SMPD3: variants seen among roughly 807,000 people sequenced by gnomAD.
SMPD3 encodes the protein sphingomyelin phosphodiesterase 3, also known as nSMase-2.
A neutral mutation model predicts 55.7 loss-of-function variants in SMPD3; 21 were observed. The ratio of observed to expected loss-of-function variants is 0.38; its 90% confidence interval spans 0.27 to 0.54. The LOEUF is 0.54. Among genes scored for constraint, SMPD3 ranks in the 20% least tolerant of loss-of-function variants. SMPD3 has a pLI of 0.80. For synonymous variants in SMPD3, 457 were observed against 404.3 expected (o/e 1.13, Z -1.56); for missense variants, 842 against 899.6 (o/e 0.94, Z 0.82).
In SMPD3 at chr16:68,404,677, G is replaced by A. The variant is rs1311465162; in HGVS notation, c.-268-18018C>T. 1.3e-5 allele frequency among the ~76,000 whole-genome samples: 2 copies of A among 152,220 alleles called. No individual in the cohort carries two copies. Among genetic ancestry groups the A allele is most frequent in the Non-Finnish European group, 2.9e-5 (2 of 68,036 alleles). On this transcript the variant is annotated intron_variant, in intron 1 of 8. Coordinates refer to ENST00000219334, the MANE Select transcript of SMPD3 (RefSeq NM_018667.4). This position sits in a 1 kb window ranked among gnomAD's most constrained non-coding sequence, Gnocchi z 4.0. Reference sequence around the variant, plus strand: ...GTGCCCCCAGCCCACCTGCCATTGAGGTGCTAGCCCCCAGAGGCTGTTATC... The same window carrying A: ...GTGCCCCCAGCCCACCTGCCATTGAAGTGCTAGCCCCCAGAGGCTGTTATC...
At chr16:68,390,617 C>T (rs923631034) in intron 1 of SMPD3, among the ~76,000 whole-genome samples, 3 of 152,322 alleles carry the variant, frequency 2.0e-5, no homozygotes, top group South Asian at 2.1e-4. Flanking sequence ...GCTGTGATGG[C>T]GCCACTGCAC....
intron 1 of SMPD3, among the ~76,000 whole-genome samples, chr16:68,390,439 T>A (rs567123576): frequency 6.6e-6 from 1 of 152,302 alleles, no homozygotes; most frequent in South Asian, 2.1e-4. Context: ...GGCAGGCAGA[T>A]CTCTTGAGCT....
rs1597676449 is a variant in SMPD3, at chr16:68,447,471, G to A, written c.-269+882C>T. Among the ~76,000 whole-genome samples, 8 of 152,322 alleles carry A rather than the reference G, an allele frequency of 5.3e-5. No individual in the cohort carries two copies. The highest frequency in any genetic ancestry group is 1.9e-4 in the African/African-American group (8 of 41,570). On this transcript the variant is annotated intron_variant, in intron 1 of 8. Transcript: ENST00000219334. The surrounding 1 kb of genome is among the most constrained non-coding windows in gnomAD (Gnocchi z 5.1). ...ACTTAGAGCCCCAGGCCTGGATCCA[G>A]GTAGGGAGGGCCTGGGAGATAAGGC... is the stretch of plus-strand genomic sequence containing the variant.
chr16:68,422,319 T>C (rs934894890), intron 1 of SMPD3, among the ~76,000 whole-genome samples: 5 of 152,192 alleles, frequency 3.3e-5, no homozygotes, highest in Non-Finnish European at 7.3e-5. Flanking sequence ...GCAGAGGCCC[T>C]CATGGAATCT....
At chr16:68,388,001 G>A (rs555543118) in intron 1 of SMPD3, among the ~76,000 whole-genome samples, 75 of 152,278 alleles carry the variant, frequency 4.9e-4, no homozygotes, top group Non-Finnish European at 7.9e-4. Context: ...CTAGGCCATC[G>A]GTCTTGGGCA....
At chr16:68,368,928 T>C (rs1439493269) in intron 3 of SMPD3, 1 of 152,140 alleles carries the variant, frequency 6.6e-6, no homozygotes, top group Non-Finnish European at 1.5e-5. Flanking sequence ...TTTTAACATA[T>C]TGGTCAAGGC....
At chr16:68,396,296 G>C (rs1427442082) in intron 1 of SMPD3, among the ~76,000 whole-genome samples, 1 of 152,002 alleles carries the variant, frequency 6.6e-6, no homozygotes, top group East Asian at 1.9e-4. Flanking sequence ...CTACCCCCAG[G>C]ATCGATCCTT....
At chr16:68,362,977 T>C (rs1318160728) in intron 7 of SMPD3, among the ~76,000 whole-genome samples, 2 of 152,262 alleles carry the variant, frequency 1.3e-5, no homozygotes, top group Non-Finnish European at 2.9e-5. Context: ...TGTTGGCCTC[T>C]CAGATGTGTT....
chr16:68,393,617 T>A (rs1361633562), intron 1 of SMPD3, among the ~76,000 whole-genome samples: 1 of 152,208 alleles, frequency 6.6e-6, no homozygotes, highest in South Asian at 2.1e-4. Context: ...AGGTCTGGAT[T>A]GGAGCAGGTT....
chr16:68,375,043 C>T (rs1379097400), intron 2 of SMPD3, among the ~76,000 whole-genome samples: 3 of 152,212 alleles, frequency 2.0e-5, no homozygotes, highest in Non-Finnish European at 2.9e-5. Context: ...CTGAGTCACC[C>T]TCATCTCTGT....
rs983038696 is a variant in SMPD3 at position 68,359,496 on chromosome 16, C to T, written c.*1710G>A. The T allele has an allele frequency of 2.0e-5, 3 of 152,784 alleles. No homozygotes were observed. The highest frequency in any genetic ancestry group is 7.2e-5 in the African/African-American group (3 of 41,466). The allele number at this position is 152,784 out of a possible 1,614,324, so 9.5% of individuals were successfully genotyped here. On this transcript the variant is annotated 3_prime_UTR_variant, in exon 9 of 9. Transcript: ENST00000219334. ...GTCCTAGCGCCAGGCTCCCTGGGCT[C>T]TGCAGCGTTGTCTGCCCCAGCACAG...
chr16:68,364,950 A>G (rs1296656125), intron 4 of SMPD3, 44 bp from the exon 5 acceptor site: 1 of 1,613,338 alleles, frequency 6.2e-7, no homozygotes, highest in East Asian at 2.2e-5. Flanking sequence ...AGTTCGCCCC[A>G]GACCCCAGCT....
In SMPD3 at chr16:68,372,045, C is replaced by T. The variant is rs778688383; in HGVS notation, c.137G>A (p.Arg46His). ...GCAGCACGGGTCGTCTGCCCGCTGG[C>T]GCTTCTCGTAGGTGGTGGGTATGAA... ...ASFIPTTYEKRQRADDPCCLQ... is the reference protein window; with the variant it reads ...ASFIPTTYEKHQRADDPCCLQ... Residue 46 changes from arginine to histidine, a missense_variant, in exon 3 of 9, where the codon CGC (arginine) becomes CAC (histidine). By Grantham distance (29) the Arg-to-His change is conservative. This residue lies in a region of SMPD3 where 193 missense variants were observed against 256.0 expected (regional missense o/e 0.75). Coordinates refer to ENST00000219334, the MANE Select transcript of SMPD3 (RefSeq NM_018667.4). 30 of 1,608,884 alleles carry T rather than the reference C, an allele frequency of 1.9e-5. No homozygotes were observed. The highest frequency in any genetic ancestry group is 3.3e-4 in the Middle Eastern group (2 of 6,072).
At chr16:68,388,423 C>G (rs2090080537) in intron 1 of SMPD3, among the ~76,000 whole-genome samples, 3 of 152,172 alleles carry the variant, frequency 2.0e-5, no homozygotes, top group Admixed American at 2.0e-4. Flanking sequence ...CTGACCTGAC[C>G]CAGGCCACAG....
intron 1 of SMPD3, among the ~76,000 whole-genome samples, chr16:68,387,698 C>T (rs55847153): frequency 0.018 from 2,791 of 152,370 alleles, 31 homozygotes; most frequent in Non-Finnish European, 0.029. Context: ...GCTCCACCTT[C>T]TTAAGCCCGT....
intron 3 of SMPD3, among the ~76,000 whole-genome samples, chr16:68,366,800 G>T (rs2089491980): frequency 6.6e-6 from 1 of 152,166 alleles, no homozygotes; most frequent in African/African-American, 2.4e-5. Context: ...ACAAGGTCAG[G>T]AGTTTGAGAC....
intron 1 of SMPD3, among the ~76,000 whole-genome samples, chr16:68,445,268 A>C (rs1013005100): frequency 6.6e-6 from 1 of 152,256 alleles, no homozygotes; most frequent in Non-Finnish European, 1.5e-5. Flanking sequence ...GAACAGGGAA[A>C]GAGGAGAAAA....
At chr16:68,415,614 T>C (rs2090332920) in intron 1 of SMPD3, among the ~76,000 whole-genome samples, 1 of 152,218 alleles carries the variant, frequency 6.6e-6, no homozygotes, top group South Asian at 2.1e-4. Flanking sequence ...CCATGACTAC[T>C]GTGTTTGTAT....
chr16:68,372,393 G>A lies in SMPD3; in HGVS notation c.-206-6C>T. The A allele has an allele frequency of 1.6e-6, 1 of 624,596 alleles. No homozygotes were observed. Among genetic ancestry groups the A allele is most frequent in the South Asian group, 1.9e-5 (1 of 51,376 alleles). 38.7% of individuals were successfully genotyped at this position (624,596 alleles called of 1,614,324 possible). A position where few individuals can be genotyped will look rare whatever the true frequency, so the allele number is the denominator to read the frequency against. On this transcript the variant is annotated splice_polypyrimidine_tract_variant and splice_region_variant and intron_variant, in intron 2 of 8. Coordinates refer to ENST00000219334, the MANE Select transcript of SMPD3 (RefSeq NM_018667.4). ...GCGGAGGCCTACTGCAGACCCTGCA[G>A]AGACAAAAGTAGGGGGACTGTTTTT...
Sources: gnomAD v4.1 joint callset for allele counts (sites outside exome capture counted in the v4.1 genomes callset) on GRCh38, gnomAD v4.1.1 for gene constraint, gnomAD v4.1.1 regional missense constraint, Gnocchi (gnomAD v3.1) non-coding constraint, MANE v1.5 for transcripts, NCBI Gene and HGNC (gene_info 2026-07-23, HGNC 2026-07-21) for gene names.